MKLN1: variants seen among roughly 807,000 people sequenced by gnomAD.
MKLN1 encodes muskelin 1, also known as muskelin.
A neutral mutation model predicts 99.0 loss-of-function variants in MKLN1; 18 were observed. The observed-to-expected ratio is 0.18, with a 90% CI of 0.13 to 0.27. MKLN1 has a LOEUF of 0.27. MKLN1 is among the 10% of genes least tolerant of loss of function. The probability of loss-of-function intolerance (pLI) is 1.00; values close to 1 mark genes in which losing one functional copy is unlikely to be tolerated. For synonymous variants in MKLN1, 288 were observed against 293.2 expected (o/e 0.98, Z 0.18); for missense variants, 621 against 875.9 (o/e 0.71, Z 3.67).
At chr7:131,308,566 T>C (rs1338084523) in intron 3 of MKLN1, among the ~76,000 whole-genome samples, 2 of 142,286 alleles carry the variant, frequency 1.4e-5, no homozygotes, top group Non-Finnish European at 3.0e-5. Context: ...TGGCCTCAGG[T>C]AGGTTTTTTT....
At chr7:131,401,267 G>A (rs1261522050) in intron 6 of MKLN1, among the ~76,000 whole-genome samples, 1 of 152,080 alleles carries the variant, frequency 6.6e-6, no homozygotes, top group African/African-American at 2.4e-5. Context: ...TAGGCTTTTT[G>A]TTTGTCTAGA....
At chr7:131,202,308 G>C (rs940061158) in intron 2 of MKLN1, among the ~76,000 whole-genome samples, 3 of 151,570 alleles carry the variant, frequency 2.0e-5, no homozygotes, top group African/African-American at 4.8e-5. Flanking sequence ...TAGAGACAGG[G>C]GTTTCACCAT....
intron 3 of MKLN1, among the ~76,000 whole-genome samples, chr7:131,315,540 T>G (rs1798651609): frequency 6.6e-6 from 1 of 152,062 alleles, no homozygotes; most frequent in East Asian, 1.9e-4. Context: ...GGAACCCCAG[T>G]GAGACAGAAC....
intron 3 of MKLN1, among the ~76,000 whole-genome samples, chr7:131,245,567 A>C (rs1720912305): frequency 6.6e-6 from 1 of 152,164 alleles, no homozygotes; most frequent in Non-Finnish European, 1.5e-5. Flanking sequence ...GGCGTGAGCC[A>C]CTGTGCCCGG....
chr7:131,168,203 TGA>T (rs1196352128), intron 2 of MKLN1, among the ~76,000 whole-genome samples: 6 of 152,200 alleles, frequency 3.9e-5, no homozygotes, highest in African/African-American at 1.4e-4. Flanking sequence ...GTGGTAAGTG[TGA>T]GTCTCCAGGC....
chr7:131,143,235 G>A (rs1053278369), intron 2 of MKLN1, among the ~76,000 whole-genome samples: 1 of 151,924 alleles, frequency 6.6e-6, no homozygotes, highest in Non-Finnish European at 1.5e-5. Context: ...TTGGGAGGCC[G>A]AGGCCGGCAA....
chr7:131,342,807 A>G (rs748602520), intron 1 of MKLN1, among the ~76,000 whole-genome samples: 1 of 152,232 alleles, frequency 6.6e-6, no homozygotes, highest in East Asian at 1.9e-4. Flanking sequence ...CTAAAATGCT[A>G]TGATGGGTGA....
At chr7:131,241,761 G>A (rs1345011575) in intron 3 of MKLN1, among the ~76,000 whole-genome samples, 1 of 152,182 alleles carries the variant, frequency 6.6e-6, no homozygotes, top group East Asian at 1.9e-4. Flanking sequence ...TTGGATGATA[G>A]GCAGTCAAAG....
At chr7:131,193,482 C>T (rs1436984093) in intron 2 of MKLN1, among the ~76,000 whole-genome samples, 1 of 152,136 alleles carries the variant, frequency 6.6e-6, no homozygotes, top group Non-Finnish European at 1.5e-5. Context: ...TCTTCTGCCT[C>T]AGCCTCCTGG....
intron 3 of MKLN1, among the ~76,000 whole-genome samples, chr7:131,267,047 T>G (rs1797818800): frequency 6.6e-6 from 1 of 151,954 alleles, no homozygotes. Context: ...AAATGAGACT[T>G]TCCGGCTGGG....
intron 1 of MKLN1, among the ~76,000 whole-genome samples, chr7:131,374,107 A>G (rs1793559122): frequency 6.6e-6 from 1 of 152,164 alleles, no homozygotes; most frequent in Admixed American, 6.6e-5. Flanking sequence ...GACATGATCC[A>G]TACTGCTCCC....
intron 15 of MKLN1, among the ~76,000 whole-genome samples, chr7:131,468,754 CTG>C (rs954364444): frequency 7.9e-5 from 12 of 152,130 alleles, no homozygotes; most frequent in Non-Finnish European, 1.3e-4. Flanking sequence ...AGACACAAGT[CTG>C]TGATAAGTTC....
intron 2 of MKLN1, among the ~76,000 whole-genome samples, chr7:131,183,468 T>C (rs553607046): frequency 6.6e-6 from 1 of 152,060 alleles, no homozygotes; most frequent in Admixed American, 6.6e-5. Context: ...TGTGGAGGAG[T>C]CCAAAGAAAT....
chr7:131,367,943 A>T (rs190551846), intron 1 of MKLN1, among the ~76,000 whole-genome samples: 3 of 152,340 alleles, frequency 2.0e-5, no homozygotes, highest in Non-Finnish European at 4.4e-5. Context: ...CATATGTAGT[A>T]TAAGAGGTTA....
chr7:131,193,610 G>A (rs1419224185), intron 2 of MKLN1, among the ~76,000 whole-genome samples: 4 of 151,956 alleles, frequency 2.6e-5, no homozygotes, highest in African/African-American at 7.3e-5. Context: ...TCCTGACCTC[G>A]TGATCCGCCC....
chr7:131,245,038 T>G (rs1326377837), intron 3 of MKLN1, among the ~76,000 whole-genome samples: 1 of 152,190 alleles, frequency 6.6e-6, no homozygotes, highest in African/African-American at 2.4e-5. Context: ...AGAAAAGGCT[T>G]TACGCCTTGT....
At chr7:131,444,815 AGT>A (rs1563352128) in intron 11 of MKLN1, among the ~76,000 whole-genome samples, 11 of 148,198 alleles carry the variant, frequency 7.4e-5, no homozygotes, top group East Asian at 3.9e-4. Flanking sequence ...TAGTAGTAGT[AGT>A]AGTAGAAGTG....
chr7:131,244,921 C>T (rs10249099), intron 3 of MKLN1, among the ~76,000 whole-genome samples: 10,202 of 152,190 alleles, frequency 0.067, 410 homozygotes, highest in Middle Eastern at 0.095. Flanking sequence ...CCCTACACGG[C>T]GGCACCCTTT....
chr7:131,166,594 G>A (rs1796128558), intron 2 of MKLN1, among the ~76,000 whole-genome samples: 2 of 152,002 alleles, frequency 1.3e-5, no homozygotes, highest in South Asian at 4.2e-4. Flanking sequence ...CTGTCTTAGG[G>A]CCTTTCTTAG....
Sources: allele counts gnomAD v4.1 joint callset (sites outside exome capture counted in the v4.1 genomes callset), GRCh38; gene constraint gnomAD v4.1.1; transcripts MANE v1.5; gene names NCBI Gene and HGNC (gene_info 2026-07-23, HGNC 2026-07-21).